The following PLCH1 variants were observed in gnomAD, a reference collection of about 807,000 sequenced individuals.
PLCH1 encodes the protein phospholipase C eta 1, also known as 1-phosphatidylinositol 4,5-bisphosphate phosphodiesterase eta-1.
A neutral mutation model predicts 126.7 loss-of-function variants in PLCH1; 60 were observed. The ratio of observed to expected loss-of-function variants is 0.47; its 90% CI spans 0.38 to 0.59. PLCH1 has a LOEUF of 0.59. PLCH1 is among the 20% of genes least tolerant of loss of function. The pLI is 0.00. For missense variants in PLCH1, 1,723 were observed against 2,040.0 expected, an observed-to-expected ratio of 0.84 and a Z score of 2.99; for synonymous variants, 719 against 734.9, an observed-to-expected ratio of 0.98 and a Z score of 0.35.
intron 21 of PLCH1, among the ~76,000 whole-genome samples, chr3:155,460,763 TGATAGATAGATAGATAGATATAGAA>T (rs1384106175): frequency 6.6e-6 from 1 of 151,012 alleles, no homozygotes; most frequent in East Asian, 1.9e-4. Context: ...AGATGATAGA[TGATAGATAGATAGATAGATATAGAA>T]GATAGATAGA....
chr3:155,580,285 T>C (rs949722028), intron 6 of PLCH1, among the ~76,000 whole-genome samples: 3 of 152,202 alleles, frequency 2.0e-5, no homozygotes, highest in African/African-American at 7.2e-5. Context: ...AAAAAACATA[T>C]ACATGGATTT....
At chr3:155,459,483 G>A (rs140965864) in intron 21 of PLCH1, among the ~76,000 whole-genome samples, 21 of 152,234 alleles carry the variant, frequency 1.4e-4, no homozygotes, top group African/African-American at 5.1e-4. Context: ...ATGACTCCTC[G>A]AAGCCTGGAT....
intron 1 of PLCH1, chr3:155,743,297 A>G (rs1046947431): frequency 2.2e-6 from 1 of 444,480 alleles, no homozygotes; most frequent in African/African-American, 2.0e-5. Context: ...TTTGGGAGGC[A>G]GAGGTGGGTG....
intron 2 of PLCH1, among the ~76,000 whole-genome samples, chr3:155,608,892 G>C (rs1734715982): frequency 6.6e-6 from 1 of 152,156 alleles, no homozygotes; most frequent in South Asian, 2.1e-4. Flanking sequence ...TACTACAGCA[G>C]CTCGTGCTCT....
At chr3:155,720,076 G>A (rs1326469322) in intron 1 of PLCH1, among the ~76,000 whole-genome samples, 3 of 152,166 alleles carry the variant, frequency 2.0e-5, no homozygotes, top group African/African-American at 7.2e-5. Flanking sequence ...TTACAGGCGT[G>A]AGCTACCATG....
rs63042562 is a variant in PLCH1 at position 155,727,896 on chromosome 3, CTT to C, written c.-41+16942_-41+16943del. On this transcript the variant is annotated intron_variant, in intron 1 of 22. Transcript: ENST00000460012. Reference sequence around the variant, plus strand: ...GAAAGAAAATACGGTGATTTTGTTTCTTTTTTTTTTTTCTAATTCACACTTAC... The same window carrying C: ...GAAAGAAAATACGGTGATTTTGTTTCTTTTTTTTTTCTAATTCACACTTAC... Among the ~76,000 whole-genome samples, 26 of 147,052 alleles carry C rather than the reference CTT, an allele frequency of 1.8e-4. No homozygotes were observed. The East Asian group carries it at 2.8e-3, about 16-fold the overall frequency.
At chr3:155,737,824 CAGA>C (rs1314230384) in intron 1 of PLCH1, among the ~76,000 whole-genome samples, 6 of 150,892 alleles carry the variant, frequency 4.0e-5, no homozygotes, top group Non-Finnish European at 4.4e-5. Flanking sequence ...AATAATTCTG[CAGA>C]AGTTTTATTA....
At chr3:155,539,375 G>A (rs901154928) in intron 10 of PLCH1, among the ~76,000 whole-genome samples, 17 of 152,000 alleles carry the variant, frequency 1.1e-4, no homozygotes, top group African/African-American at 3.9e-4. Flanking sequence ...CACCACTTCT[G>A]TTCAACATAG....
At chr3:155,621,954 T>A (rs1052961069) in intron 2 of PLCH1, among the ~76,000 whole-genome samples, 3 of 152,058 alleles carry the variant, frequency 2.0e-5, no homozygotes, top group Non-Finnish European at 2.9e-5. Flanking sequence ...CAAAGACACA[T>A]AATCGTCAGA....
At chr3:155,696,030 T>C (rs1171896077) in intron 2 of PLCH1, among the ~76,000 whole-genome samples, 4 of 152,114 alleles carry the variant, frequency 2.6e-5, no homozygotes, top group Non-Finnish European at 4.4e-5. Flanking sequence ...GGTAGGCAGA[T>C]GGACATCTGA....
At chr3:155,579,881 T>C (rs1483137902) in intron 6 of PLCH1, among the ~76,000 whole-genome samples, 1 of 152,008 alleles carries the variant, frequency 6.6e-6, no homozygotes, top group African/African-American at 2.4e-5. Context: ...TGTCTCTGTC[T>C]GTCTGTCTCT....
intron 7 of PLCH1, 146 bp downstream of exon 7, chr3:155,568,085 A>C (rs1728745293): frequency 1.8e-6 from 1 of 544,950 alleles, no homozygotes; most frequent in Non-Finnish European, 3.3e-6. Flanking sequence ...GCAGGAAAAT[A>C]TATGTGTGTT....
rs755520092 is a variant in PLCH1 at position 155,537,186 on chromosome 3, C to CAA, written c.1362+12599_1362+12600dup. Reference sequence around the variant, plus strand: ...ATTCGCCACTACCAAGCTAGCACTACAAAAAAAAAAAAAACCAAAAAAAAA... The same window carrying CAA: ...ATTCGCCACTACCAAGCTAGCACTACAAAAAAAAAAAAAAAACCAAAAAAAAA... On this transcript the variant is annotated intron_variant, in intron 10 of 22. Coordinates refer to ENST00000460012, the MANE Select transcript of PLCH1 (RefSeq NM_014996.4). Among the ~76,000 whole-genome samples the CAA allele has an allele frequency of 2.6e-3, 96 of 37,114 alleles. 1 individual carries two copies. Among genetic ancestry groups the CAA allele is most frequent in the African/African-American group, 8.2e-3 (90 of 10,922 alleles). The allele number at this position is 37,114 out of a possible 152,430, so 24.3% of individuals were successfully genotyped here.
At chr3:155,687,224 A>C (rs1234025409) in intron 2 of PLCH1, among the ~76,000 whole-genome samples, 1 of 152,208 alleles carries the variant, frequency 6.6e-6, no homozygotes, top group Non-Finnish European at 1.5e-5. Flanking sequence ...AATGATTAGT[A>C]TTAAAATAAA....
intron 11 of PLCH1, among the ~76,000 whole-genome samples, chr3:155,515,488 A>G (rs1720194648): frequency 6.6e-6 from 1 of 152,252 alleles, no homozygotes; most frequent in Non-Finnish European, 1.5e-5. Context: ...ATCCCATTGT[A>G]TAGTTAGGGG....
chr3:155,514,900 T>C lies in PLCH1; in HGVS notation c.1471-16A>G, dbSNP rs1720104390. ...TCCCATTACTCTGCAAAGAATTAAG[T>C]AACACAAATGATTTCCTTAAGAAAC... is the stretch of plus-strand genomic sequence containing the variant. On this transcript the variant is annotated splice_polypyrimidine_tract_variant and intron_variant, in intron 11 of 22. Coordinates refer to ENST00000460012, the MANE Select transcript of PLCH1 (RefSeq NM_014996.4). 18 of 1,558,446 alleles carry C rather than the reference T, an allele frequency of 1.2e-5. No individual in the cohort carries two copies. In the East Asian group the frequency reaches 3.9e-4, roughly 33 times the overall value.
At chr3:155,598,212 A>C (rs1733236388) in intron 2 of PLCH1, among the ~76,000 whole-genome samples, 1 of 152,126 alleles carries the variant, frequency 6.6e-6, no homozygotes, top group Non-Finnish European at 1.5e-5. Flanking sequence ...TAAAATAAAC[A>C]CACAAACTTG....
intron 1 of PLCH1, among the ~76,000 whole-genome samples, chr3:155,727,670 G>A (rs1748445626): frequency 6.6e-6 from 1 of 152,258 alleles, no homozygotes; most frequent in Middle Eastern, 3.4e-3. Flanking sequence ...TCACAGGTGT[G>A]AGCCACCGAG....
chr3:155,471,282 C>A (rs1450594227), intron 21 of PLCH1, among the ~76,000 whole-genome samples: 1 of 152,136 alleles, frequency 6.6e-6, no homozygotes, highest in Non-Finnish European at 1.5e-5. Flanking sequence ...CAATCCTAGT[C>A]TCTGATAAAA....
Sources: allele counts gnomAD v4.1 joint callset (sites outside exome capture counted in the v4.1 genomes callset), GRCh38; gene constraint gnomAD v4.1.1; transcripts MANE v1.5; gene names NCBI Gene and HGNC (gene_info 2026-07-23, HGNC 2026-07-21).